RIMBP2: variants seen among roughly 807,000 people sequenced by gnomAD.
The protein encoded by RIMBP2 is RIMS binding protein 2.
RIMBP2 carries 48 observed loss-of-function variants against 118.6 expected under a neutral mutation model. The ratio of observed to expected loss-of-function variants is 0.40; its 90% CI spans 0.32 to 0.51. The LOEUF (loss-of-function observed/expected upper bound fraction) is 0.51. Ranked by LOEUF, RIMBP2 falls within the 20% of genes least tolerant of loss-of-function variation. RIMBP2 has a pLI of 0.41. For missense variants in RIMBP2, 1,551 were observed against 1,768.3 expected (o/e 0.88, Z 2.20); for synonymous variants, 762 against 742.9 (o/e 1.03, Z -0.42).
chr12:130,522,909 C>A (rs775911188), intron 2 of RIMBP2, among the ~76,000 whole-genome samples: 9 of 152,118 alleles, frequency 5.9e-5, no homozygotes, highest in Non-Finnish European at 1.2e-4. Context: ...CAACAGGGAC[C>A]GGGGCTTTCT....
chr12:130,435,010 C>A, intron 13 of RIMBP2, 130 bp from the exon 14 acceptor site: 1 of 935,780 alleles, frequency 1.1e-6, no homozygotes, highest in Non-Finnish European at 1.6e-6. Flanking sequence ...GCTTTGGGCC[C>A]AGCTCTGCCG....
chr12:130,681,097 G>A (rs1221382598), intron 1 of RIMBP2, among the ~76,000 whole-genome samples: 3 of 152,122 alleles, frequency 2.0e-5, no homozygotes, highest in Non-Finnish European at 4.4e-5. Context: ...TTTCAAAAGA[G>A]GAACAATAAT....
At chr12:130,649,902 C>CT (rs1180982602) in intron 1 of RIMBP2, among the ~76,000 whole-genome samples, 3 of 152,144 alleles carry the variant, frequency 2.0e-5, no homozygotes, top group Non-Finnish European at 4.4e-5. Context: ...GCTGCCCCAC[C>CT]TCCCTTCAAC....
At chr12:130,684,993 G>A (rs7953424) in intron 1 of RIMBP2, among the ~76,000 whole-genome samples, 9,462 of 152,166 alleles carry the variant, frequency 0.062, 975 homozygotes, top group African/African-American at 0.21. Context: ...CCACTTTCTA[G>A]TAACATTTTT....
At chr12:130,481,164 G>T (rs1053562880) in intron 4 of RIMBP2, among the ~76,000 whole-genome samples, 1 of 151,610 alleles carries the variant, frequency 6.6e-6, no homozygotes, top group East Asian at 1.9e-4. Flanking sequence ...GAGGGCGGGG[G>T]CACCCAGGCT....
chr12:130,421,417 AT>A (rs1158129526), intron 17 of RIMBP2, among the ~76,000 whole-genome samples: 10 of 152,342 alleles, frequency 6.6e-5, no homozygotes, highest in Admixed American at 2.0e-4. Context: ...TGAAGATGGA[AT>A]TTTTTTCTTA....
At chr12:130,417,025 A>G (rs1311481379) in intron 17 of RIMBP2, among the ~76,000 whole-genome samples, 1 of 152,188 alleles carries the variant, frequency 6.6e-6, no homozygotes, top group East Asian at 1.9e-4. Flanking sequence ...GAAATCCAAG[A>G]CAAAATCACA....
At position 130,649,246 on chromosome 12, in the gene RIMBP2, G is replaced by GGGCA. The variant is rs1179842870; in HGVS notation, c.-351-20791_-351-20790insTGCC. Among the ~76,000 whole-genome samples the GGGCA allele has an allele frequency of 1.3e-4, 15 of 113,134 alleles. 1 individual carries two copies. Among genetic ancestry groups the GGGCA allele is most frequent in the Admixed American group, 4.5e-4 (5 of 11,178 alleles). The allele number at this position is 113,134 out of a possible 152,430, so 74.2% of individuals were successfully genotyped here. ...AGCCTCTAGGCCAAGTAAGGCGCTG[G>GGGCA]AATGTGGGGCTTGCTGCGACGTACG... is the stretch of plus-strand genomic sequence containing the variant. On this transcript the variant is annotated intron_variant, in intron 1 of 22. Transcript: ENST00000690449.
At chr12:130,624,417 G>C (rs1318095159) in intron 2 of RIMBP2, among the ~76,000 whole-genome samples, 1 of 152,196 alleles carries the variant, frequency 6.6e-6, no homozygotes, top group Non-Finnish European at 1.5e-5. Flanking sequence ...ACATGGAGTT[G>C]TGTGTCCACA....
At chr12:130,624,827 C>T (rs2061523904) in intron 2 of RIMBP2, among the ~76,000 whole-genome samples, 1 of 152,170 alleles carries the variant, frequency 6.6e-6, no homozygotes, top group Non-Finnish European at 1.5e-5. Context: ...CGGGTTCAAG[C>T]AATTCTCCTG....
Position 130,442,568 on chromosome 12 carries a change from T to C in RIMBP2, c.784A>G (p.Asn262Asp). The change falls in exon 11 of 23, where the codon AAC becomes GAC. Residue 262 changes from asparagine (N) to aspartate (D), a missense_variant. Transcript: ENST00000690449. This position sits in a 1 kb window ranked among gnomAD's most constrained non-coding sequence, Gnocchi z 6.9. Reference sequence around the variant, plus strand: ...TTGATGAAGTTCTGATCCTGCTCGTTCCCCAGCGTGCTTGCCAACCGCGAC... The same window carrying C: ...TTGATGAAGTTCTGATCCTGCTCGTCCCCCAGCGTGCTTGCCAACCGCGAC... ...NESRLASTLG[N>D]EQDQNFINHS... 2 of 1,614,122 alleles carry C rather than the reference T, an allele frequency of 1.2e-6. No individual in the cohort carries two copies. The highest frequency in any genetic ancestry group is 1.7e-6 in the Non-Finnish European group (2 of 1,180,024).
At chr12:130,657,663 C>CG (rs1479679625) in intron 1 of RIMBP2, among the ~76,000 whole-genome samples, 1 of 88,684 alleles carries the variant, frequency 1.1e-5, no homozygotes. Context: ...GCCCCAGCTG[C>CG]GGGGGGCAGT....
At chr12:130,687,957 C>A (rs943593591) in intron 1 of RIMBP2, among the ~76,000 whole-genome samples, 1 of 152,132 alleles carries the variant, frequency 6.6e-6, no homozygotes, top group Non-Finnish European at 1.5e-5. Context: ...AAGCAATCTG[C>A]GATTTTAGAA....
chr12:130,592,506 T>C (rs2059330002), intron 2 of RIMBP2, among the ~76,000 whole-genome samples: 2 of 151,998 alleles, frequency 1.3e-5, no homozygotes, highest in South Asian at 4.1e-4. Flanking sequence ...CTGGCCAAGA[T>C]GGTGAAACCC....
intron 2 of RIMBP2, among the ~76,000 whole-genome samples, chr12:130,595,044 A>G (rs1046350780): frequency 2.6e-5 from 4 of 152,240 alleles, no homozygotes; most frequent in African/African-American, 9.6e-5. Context: ...TTAAATCTAT[A>G]AGATTGGCAC....
chr12:130,652,931 G>A (rs189082160), intron 1 of RIMBP2, among the ~76,000 whole-genome samples: 5 of 152,292 alleles, frequency 3.3e-5, no homozygotes, highest in Admixed American at 2.0e-4. Flanking sequence ...GTGCTAAGCC[G>A]TTGATGAGGG....
rs1555298087 is a variant in RIMBP2 at position 130,580,949 on chromosome 12, T to TGTGTG, written c.-217+47372_-217+47373insCACAC. ...ATGGTGTGTGTGTGTGTGTGTGTGT[T>TGTGTG]TGTTTGTGTGTGTGTGTGTATGTAT... On this transcript the variant is annotated intron_variant, in intron 2 of 22. Coordinates refer to ENST00000690449, the MANE Select transcript of RIMBP2 (RefSeq NM_001393629.1). Among the ~76,000 whole-genome samples the TGTGTG allele has an allele frequency of 9.4e-4, 102 of 108,654 alleles. 1 individual carries two copies. The highest frequency in any genetic ancestry group is 4.2e-3 in the Admixed American group (45 of 10,630). The allele number at this position is 108,654 out of a possible 152,430, so 71.3% of individuals were successfully genotyped here.
rs936180086 is a variant in RIMBP2, at chr12:130,710,896, G to A, written c.-352+5326C>T. Among the ~76,000 whole-genome samples, 2 of 152,242 alleles carry A rather than the reference G, an allele frequency of 1.3e-5. No individual in the cohort carries two copies. The highest frequency in any genetic ancestry group is 2.9e-5 in the Non-Finnish European group (2 of 68,052). On this transcript the variant is annotated intron_variant, in intron 1 of 22. Coordinates refer to ENST00000690449, the MANE Select transcript of RIMBP2 (RefSeq NM_001393629.1). This position sits in a 1 kb window ranked among gnomAD's most constrained non-coding sequence, Gnocchi z 4.3. ...ACAGGCCCCGCACGTCACACGTGGG[G>A]TCCCATGGAGCCCTGACAGCCACCT...
intron 2 of RIMBP2, among the ~76,000 whole-genome samples, chr12:130,563,391 T>C (rs1235364716): frequency 6.6e-6 from 1 of 152,228 alleles, no homozygotes; most frequent in East Asian, 1.9e-4. Flanking sequence ...AATGGAAGAA[T>C]AGATCAAAGG....
Sources: allele counts gnomAD v4.1 joint callset (sites outside exome capture counted in the v4.1 genomes callset), GRCh38; gene constraint gnomAD v4.1.1; non-coding constraint Gnocchi (gnomAD v3.1); transcripts MANE v1.5; gene names NCBI Gene and HGNC (gene_info 2026-07-23, HGNC 2026-07-21).